Variants in RASGRF2 observed in about 807,000 individuals in gnomAD.
RASGRF2 encodes Ras protein specific guanine nucleotide releasing factor 2.
RASGRF2 carries 76 observed loss-of-function variants against 151.0 expected under a neutral mutation model. The ratio of observed to expected loss-of-function variants is 0.50; its 90% CI spans 0.42 to 0.61. The LOEUF (loss-of-function observed/expected upper bound fraction) is 0.61. Among genes scored for constraint, RASGRF2 ranks in the 20% least tolerant of loss-of-function variants. RASGRF2 has a pLI of 0.00. For synonymous variants in RASGRF2, 504 were observed against 566.5 expected, an observed-to-expected ratio of 0.89 and a Z score of 1.57; for missense variants, 1,148 against 1,564.6, an observed-to-expected ratio of 0.73 and a Z score of 4.49.
chr5:80,995,761 C>T (rs1432862661), intron 1 of RASGRF2, among the ~76,000 whole-genome samples: 1 of 127,998 alleles, frequency 7.8e-6, no homozygotes, highest in African/African-American at 2.9e-5. Flanking sequence ...GGGGTGATCT[C>T]ATGTCACTGC....
chr5:80,973,673 A>G (rs12515296), intron 1 of RASGRF2, among the ~76,000 whole-genome samples: 28,511 of 151,976 alleles, frequency 0.19, 3,011 homozygotes, highest in East Asian at 0.35. Context: ...AATTTTCAAA[A>G]CAGGTCTCTA....
At chr5:81,174,126 T>G (rs1013134932) in intron 17 of RASGRF2, among the ~76,000 whole-genome samples, 4 of 152,154 alleles carry the variant, frequency 2.6e-5, no homozygotes, top group Non-Finnish European at 5.9e-5. Flanking sequence ...ATTTATTGAC[T>G]GAATGAGAAA....
intron 1 of RASGRF2, among the ~76,000 whole-genome samples, chr5:81,022,827 G>T (rs1022034936): frequency 6.7e-6 from 1 of 149,612 alleles, no homozygotes; most frequent in Non-Finnish European, 1.5e-5. Context: ...AGCATAGATT[G>T]GAAAGTGTTT....
intron 5 of RASGRF2, among the ~76,000 whole-genome samples, chr5:81,076,477 C>T (rs543881601): frequency 1.1e-3 from 163 of 148,752 alleles, no homozygotes; most frequent in Non-Finnish European, 1.4e-3. Flanking sequence ...AGGGAAGTGT[C>T]GGAGTTGGAG....
chr5:80,964,767 C>T (rs566598868), intron 1 of RASGRF2, among the ~76,000 whole-genome samples: 10 of 152,094 alleles, frequency 6.6e-5, no homozygotes, highest in Non-Finnish European at 1.2e-4. Flanking sequence ...CAAAGAAAAA[C>T]GGGATTTATT....
In RASGRF2 at chr5:81,136,506, T is replaced by C. The variant is rs990315823; in HGVS notation, c.2686+9343T>C. 3.3e-5 allele frequency among the ~76,000 whole-genome samples: 5 copies of C among 152,222 alleles called. No homozygotes were observed. The East Asian group carries it at 9.6e-4, about 29-fold the overall frequency. ...CCTGGTTTCTGATGTGGTGTTGTCA[T>C]TCTTGTCCTTGTTCCTCTGTTGGTG... is the stretch of plus-strand genomic sequence containing the variant. On this transcript the variant is annotated intron_variant, in intron 17 of 26. Coordinates refer to ENST00000265080, the MANE Select transcript of RASGRF2 (RefSeq NM_006909.3).
chr5:81,192,973 C>T (rs1370749372), intron 18 of RASGRF2, among the ~76,000 whole-genome samples: 1 of 152,144 alleles, frequency 6.6e-6, no homozygotes, highest in Non-Finnish European at 1.5e-5. Context: ...CTCAACACAT[C>T]CTGAGTCCTT....
At chr5:81,207,195 T>A (rs996624766) in intron 20 of RASGRF2, 51 bp from the exon 21 acceptor site, 1 of 1,472,448 alleles carries the variant, frequency 6.8e-7, no homozygotes, top group African/African-American at 1.4e-5. Flanking sequence ...TGCAATGAGA[T>A]GGCAGGCGCC....
chr5:80,987,141 C>A (rs1182094976), intron 1 of RASGRF2, among the ~76,000 whole-genome samples: 1 of 152,256 alleles, frequency 6.6e-6, no homozygotes, highest in Non-Finnish European at 1.5e-5. Flanking sequence ...CCAGTGGTCT[C>A]TGCATAGTAC....
chr5:81,116,246 C>T (rs1378330516), intron 15 of RASGRF2, among the ~76,000 whole-genome samples: 2 of 151,866 alleles, frequency 1.3e-5, no homozygotes, highest in Admixed American at 6.6e-5. Context: ...TCATGCCTTG[C>T]TAATTTTTGT....
intron 1 of RASGRF2, among the ~76,000 whole-genome samples, chr5:81,002,014 G>T (rs1277743910): frequency 1.3e-5 from 2 of 152,220 alleles, no homozygotes; most frequent in African/African-American, 4.8e-5. Context: ...AGACATGTAT[G>T]TGTGATAATT....
chr5:81,003,261 C>T lies in RASGRF2; in HGVS notation c.289-39616C>T, dbSNP rs748145410. The stretch of plus-strand genomic sequence containing the variant: ...TTTTTGAGACGGAGTCTCACTCTGT[C>T]GCCCAGGCTGGAGTGCAATGGCGCG... On this transcript the variant is annotated intron_variant, in intron 1 of 26. Transcript: ENST00000265080. 1.0e-3 allele frequency among the ~76,000 whole-genome samples: 141 copies of T among 134,660 alleles called. 1 individual carries two copies. Among genetic ancestry groups the T allele is most frequent in the Middle Eastern group, 6.1e-3 (1 of 164 alleles). The allele number at this position is 134,660 out of a possible 152,430, so 88.3% of individuals were successfully genotyped here.
chr5:81,112,943 C>G, intron 14 of RASGRF2, 85 bp downstream of exon 14: 1 of 1,544,198 alleles, frequency 6.5e-7, no homozygotes, highest in African/African-American at 1.4e-5. Flanking sequence ...CAGGCCAGCT[C>G]TGCAAAGCAG....
At chr5:81,131,386 G>A (rs553246183) in intron 17 of RASGRF2, among the ~76,000 whole-genome samples, 6 of 151,960 alleles carry the variant, frequency 3.9e-5, no homozygotes, top group African/African-American at 1.2e-4. Context: ...ACAAAGTCTC[G>A]CTTTATCACC....
At chr5:80,969,815 C>CTTCT (rs1747867787) in intron 1 of RASGRF2, among the ~76,000 whole-genome samples, 5 of 76,938 alleles carry the variant, frequency 6.5e-5, no homozygotes, top group African/African-American at 3.4e-4. Context: ...ACTTCTTCTT[C>CTTCT]TTTTTTTTTT....
chr5:81,130,951 G>T (rs187689646), intron 17 of RASGRF2, among the ~76,000 whole-genome samples: 2 of 152,212 alleles, frequency 1.3e-5, no homozygotes, highest in Admixed American at 1.3e-4. Flanking sequence ...TGTTTCAGGT[G>T]CCTCTGCAGA....
intron 12 of RASGRF2, among the ~76,000 whole-genome samples, chr5:81,098,488 G>A (rs1390343592): frequency 6.6e-6 from 1 of 152,124 alleles, no homozygotes; most frequent in Non-Finnish European, 1.5e-5. Context: ...TGAGAGAGGG[G>A]TCAAGTCAGG....
chr5:81,011,201 T>C (rs1250376122), intron 1 of RASGRF2, among the ~76,000 whole-genome samples: 3 of 151,840 alleles, frequency 2.0e-5, no homozygotes, highest in Non-Finnish European at 4.4e-5. Context: ...TAAATGTTAC[T>C]GATTCTGTAT....
intron 1 of RASGRF2, among the ~76,000 whole-genome samples, chr5:81,016,494 G>T (rs1749641006): frequency 2.0e-5 from 3 of 152,162 alleles, no homozygotes; most frequent in Admixed American, 2.0e-4. Context: ...TCACTCTCCA[G>T]TGAGCACAGT....
Sources: allele counts gnomAD v4.1 joint callset (sites outside exome capture counted in the v4.1 genomes callset), GRCh38; gene constraint gnomAD v4.1.1; transcripts MANE v1.5; gene names NCBI Gene and HGNC (gene_info 2026-07-23, HGNC 2026-07-21).